Variants in ARHGEF7 observed in about 807,000 individuals in gnomAD.
The protein encoded by ARHGEF7 is PAK-interacting exchange factor beta.
In ARHGEF7, 33 loss-of-function variants were observed where a neutral mutation model predicts 109.8. The ratio of observed to expected loss-of-function variants is 0.30; its 90% CI spans 0.23 to 0.40. The LOEUF (loss-of-function observed/expected upper bound fraction) is 0.40, where lower values mean the gene tolerates loss of function less well. Ranked by LOEUF, ARHGEF7 falls within the 10% of genes least tolerant of loss-of-function variation. The probability of loss-of-function intolerance (pLI) is 1.00; values close to 1 mark genes in which losing one functional copy is unlikely to be tolerated. For missense variants in ARHGEF7, 938 were observed against 1,098.5 expected (o/e 0.85, Z 2.07); for synonymous variants, 458 against 424.6 (o/e 1.08, Z -0.97).
chr13:111,166,827 G>A (rs1748787251), intron 2 of ARHGEF7, among the ~76,000 whole-genome samples: 1 of 152,334 alleles, frequency 6.6e-6, no homozygotes, highest in East Asian at 1.9e-4. Flanking sequence ...ATCAGCTTCA[G>A]ACTTCGGCAC....
intron 2 of ARHGEF7, among the ~76,000 whole-genome samples, chr13:111,194,421 A>T (rs1411010675): frequency 6.6e-6 from 1 of 152,110 alleles, no homozygotes; most frequent in Non-Finnish European, 1.5e-5. Context: ...TAGTTGGCAA[A>T]ACCCAGTGAT....
intron 2 of ARHGEF7, among the ~76,000 whole-genome samples, chr13:111,175,432 C>T (rs1039027102): frequency 1.2e-4 from 18 of 152,280 alleles, no homozygotes; most frequent in African/African-American, 4.3e-4. Flanking sequence ...CTCTGGGGGC[C>T]CTCTCAGTCA....
At chr13:111,237,582 T>G (rs1187324665) in intron 6 of ARHGEF7, among the ~76,000 whole-genome samples, 1 of 152,192 alleles carries the variant, frequency 6.6e-6, no homozygotes, top group Admixed American at 6.5e-5. Context: ...TCAAAGATGC[T>G]TGTGTAAAGG....
chr13:111,194,826 G>A (rs1479158653), intron 2 of ARHGEF7, among the ~76,000 whole-genome samples: 3 of 152,230 alleles, frequency 2.0e-5, no homozygotes, highest in African/African-American at 7.2e-5. Flanking sequence ...ATCCTCAAAG[G>A]CAAAGAGAAA....
intron 5 of ARHGEF7, 49 bp from the exon 6 acceptor site, chr13:111,233,156 T>C: frequency 6.7e-7 from 1 of 1,499,622 alleles, no homozygotes; most frequent in South Asian, 1.1e-5. Flanking sequence ...CTGGAACTTT[T>C]GTCATCTTTA....
chr13:111,214,586 T>C (rs1378916325), intron 4 of ARHGEF7, among the ~76,000 whole-genome samples: 2 of 152,198 alleles, frequency 1.3e-5, no homozygotes, highest in African/African-American at 2.4e-5. Context: ...CACAGTGAAC[T>C]CGGGTCACGT....
At chr13:111,289,186 C>T (rs943641530) in intron 18 of ARHGEF7, among the ~76,000 whole-genome samples, 4 of 152,128 alleles carry the variant, frequency 2.6e-5, no homozygotes. Flanking sequence ...TGCGCACCAC[C>T]ACGCCCGGCT....
chr13:111,191,344 G>A (rs1197879882), intron 2 of ARHGEF7, among the ~76,000 whole-genome samples: 2 of 152,104 alleles, frequency 1.3e-5, no homozygotes, highest in Non-Finnish European at 2.9e-5. Flanking sequence ...AAGTTAAGAT[G>A]GTATTCATAG....
intron 4 of ARHGEF7, among the ~76,000 whole-genome samples, chr13:111,216,106 C>T (rs562008106): frequency 6.6e-6 from 1 of 152,154 alleles, no homozygotes; most frequent in Admixed American, 6.5e-5. Flanking sequence ...GGGGTTCACG[C>T]AGGTTCCTGG....
chr13:111,242,329 G>A (rs142346977), intron 6 of ARHGEF7, among the ~76,000 whole-genome samples: 2,585 of 152,240 alleles, frequency 0.017, 40 homozygotes, highest in Middle Eastern at 0.075. Context: ...ACAGAGTAAC[G>A]ACCCGGGTTG....
At chr13:111,227,276 A>G (rs975213420) in intron 5 of ARHGEF7, among the ~76,000 whole-genome samples, 6 of 152,240 alleles carry the variant, frequency 3.9e-5, no homozygotes, top group African/African-American at 1.4e-4. Flanking sequence ...GTATGTGTGT[A>G]AAATGCTACC....
intron 4 of ARHGEF7, among the ~76,000 whole-genome samples, chr13:111,215,781 A>G (rs1388949419): frequency 6.6e-6 from 1 of 152,118 alleles, no homozygotes; most frequent in Admixed American, 6.5e-5. Flanking sequence ...CCTGTGCCCT[A>G]CTTGAATCTC....
At position 111,227,677 on chromosome 13, in the gene ARHGEF7, C is replaced by T. The variant is rs769532740; in HGVS notation, c.671-5528C>T. Among the ~76,000 whole-genome samples the T allele has an allele frequency of 3.3e-5, 5 of 152,184 alleles. No homozygotes were observed. In the South Asian group the frequency reaches 6.2e-4, roughly 19 times the overall value. Reference sequence around the variant, plus strand: ...AGCAACTTCAGGGTCTCCCTGTGTACCCCGTTTGACTTACCTTCTTCCTCC... The same window carrying T: ...AGCAACTTCAGGGTCTCCCTGTGTATCCCGTTTGACTTACCTTCTTCCTCC... On this transcript the variant is annotated intron_variant, in intron 5 of 21. Coordinates refer to ENST00000646102, the MANE Select transcript of ARHGEF7 (RefSeq NM_001354046.2).
chr13:111,117,259 T>A (rs2066856679), intron 1 of ARHGEF7, among the ~76,000 whole-genome samples: 1 of 152,268 alleles, frequency 6.6e-6, no homozygotes, highest in South Asian at 2.1e-4. Context: ...ATTGGCCGAC[T>A]TCAATAATCA....
chr13:111,137,612 C>T (rs1160151916), intron 1 of ARHGEF7, among the ~76,000 whole-genome samples: 1 of 152,076 alleles, frequency 6.6e-6, no homozygotes, highest in Admixed American at 6.5e-5. Context: ...GGACATCCTG[C>T]TTGGGTTGGA....
chr13:111,160,659 A>C (rs1002162357), intron 2 of ARHGEF7, among the ~76,000 whole-genome samples: 12 of 152,306 alleles, frequency 7.9e-5, no homozygotes, highest in Admixed American at 3.3e-4. Context: ...CAAAGAAAAA[A>C]AAAATCTATT....
chr13:111,277,647 C>G lies in ARHGEF7; in HGVS notation c.1480C>G (p.Pro494Ala), dbSNP rs1157975623. The G allele has an allele frequency of 1.2e-6, 2 of 1,604,714 alleles. No homozygotes were observed. The highest frequency in any genetic ancestry group is 1.7e-5 in the Admixed American group (1 of 60,004). ...TGTTTTGCTAATGTTGTCTGCCAGT[C>G]CTAGGATGAGTGGCTTTATCTATCA... is the stretch of plus-strand genomic sequence containing the variant. ...PNVLLMLSAS[P>A]RMSGFIYQGK... The change falls in exon 13 of 22, where the codon CCT becomes GCT. Residue 494 changes from proline (P) to alanine (A), a missense_variant. This residue lies in a region of ARHGEF7 where 585 missense variants were observed against 723.6 expected (regional missense o/e 0.81). Transcript: ENST00000646102.
chr13:111,225,988 G>A (rs2085162422), intron 5 of ARHGEF7, among the ~76,000 whole-genome samples: 1 of 152,226 alleles, frequency 6.6e-6, no homozygotes, highest in Admixed American at 6.5e-5. Context: ...TGAAAGCTAG[G>A]CCTGTTGCAC....
intron 6 of ARHGEF7, among the ~76,000 whole-genome samples, chr13:111,236,358 T>C (rs2086828058): frequency 6.6e-6 from 1 of 152,238 alleles, no homozygotes; most frequent in African/African-American, 2.4e-5. Context: ...CTTCTTTTTT[T>C]CTTGTGTGCG....
Sources: gnomAD v4.1 joint callset for allele counts (sites outside exome capture counted in the v4.1 genomes callset) on GRCh38, gnomAD v4.1.1 for gene constraint, gnomAD v4.1.1 regional missense constraint, MANE v1.5 for transcripts, NCBI Gene and HGNC (gene_info 2026-07-23, HGNC 2026-07-21) for gene names.